The following FAT3 variants were observed in gnomAD, a reference collection of about 807,000 sequenced individuals.
The protein encoded by FAT3 is FAT atypical cadherin 3.
A neutral mutation model predicts 310.2 loss-of-function variants in FAT3; 95 were observed. That is an observed-to-expected ratio of 0.31 (90% CI 0.26 to 0.36). The LOEUF (loss-of-function observed/expected upper bound fraction) is 0.36, where lower values mean the gene tolerates loss of function less well. FAT3 is among the 10% of genes least tolerant of loss of function. FAT3 has a pLI of 1.00. For missense variants in FAT3, 5,408 were observed against 5,715.6 expected, an observed-to-expected ratio of 0.95 and a Z score of 1.74; for synonymous variants, 2,314 against 2,192.9, an observed-to-expected ratio of 1.06 and a Z score of -1.54.
intron 18 of FAT3, among the ~76,000 whole-genome samples, chr11:92,841,581 C>T (rs1948550666): frequency 6.6e-6 from 1 of 152,218 alleles, no homozygotes; most frequent in Admixed American, 6.5e-5. Context: ...GCCATCTGCT[C>T]CTCCAACAAT....
rs199854028 is a variant in FAT3, at chr11:92,881,335, TA to T, written c.12281+454del. ...TTCTTTCATAAGAAAGAAACAAAAT[TA>T]AATATTTGCCAAAAGGAAAGAGACC... On this transcript the variant is annotated intron_variant, in intron 23 of 27. Coordinates refer to ENST00000525166, the MANE Select transcript of FAT3 (RefSeq NM_001367949.2). Among the ~76,000 whole-genome samples, 943 of 152,216 alleles carry T rather than the reference TA, an allele frequency of 6.2e-3. 8 individuals are homozygous for T. The highest frequency in any genetic ancestry group is 0.022 in the African/African-American group (904 of 41,516).
chr11:92,620,302 C>T (rs1436200915), intron 3 of FAT3, among the ~76,000 whole-genome samples: 2 of 152,110 alleles, frequency 1.3e-5, no homozygotes, highest in African/African-American at 4.8e-5. Context: ...GTTCCATGTG[C>T]ACTTGAGAAA....
intron 22 of FAT3, among the ~76,000 whole-genome samples, chr11:92,875,150 T>A (rs977032143): frequency 2.0e-5 from 3 of 147,982 alleles, no homozygotes; most frequent in African/African-American, 7.5e-5. Context: ...ACAATAGATA[T>A]CACTCTTCTT....
rs1948628221 is a variant in FAT3 at position 92,844,300 on chromosome 11, C to T, written c.10933C>T (p.Leu3645=). 3 of 1,613,974 alleles carry T rather than the reference C, an allele frequency of 1.9e-6. No individual in the cohort carries two copies. The highest frequency in any genetic ancestry group is 4.5e-5 in the East Asian group (2 of 44,886). Residue 3645 remains leucine, a synonymous_variant, in exon 19 of 28, where the codon CTG becomes TTG. Transcript: ENST00000525166. ...VHVEQLVHEM[L]QNTVTIRFEN... is the part of the protein sequence containing the mutation. ...TGTGGAGCAGTTGGTGCATGAGATG[C>T]TGCAGAACACTGTCACCATCCGCTT...
chr11:92,435,537 CCCTT>C (rs969021934), intron 2 of FAT3, among the ~76,000 whole-genome samples: 12 of 125,202 alleles, frequency 9.6e-5, no homozygotes, highest in African/African-American at 3.2e-4. Context: ...TTCTTTCTTT[CCCTT>C]CCTTCCTTCC....
intron 1 of FAT3, among the ~76,000 whole-genome samples, chr11:92,225,621 C>T (rs931996435): frequency 2.0e-5 from 3 of 152,062 alleles, no homozygotes; most frequent in African/African-American, 7.2e-5. Flanking sequence ...GGATGATGCA[C>T]TTAGGGGACC....
At chr11:92,481,235 AT>A (rs1477928283) in intron 2 of FAT3, among the ~76,000 whole-genome samples, 1 of 152,206 alleles carries the variant, frequency 6.6e-6, no homozygotes, top group African/African-American at 2.4e-5. Context: ...AAATAGAAAT[AT>A]CTGGGCAATG....
intron 2 of FAT3, chr11:92,408,208 G>T (rs1221511093): frequency 2.0e-5 from 3 of 152,124 alleles, no homozygotes; most frequent in Non-Finnish European, 4.4e-5. Flanking sequence ...GAGATCTGAG[G>T]TGTCTCTTTT....
In FAT3 at chr11:92,305,912, G is replaced by A. The variant is rs139905241; in HGVS notation, c.-17-46184G>A. On this transcript the variant is annotated intron_variant, in intron 1 of 27. Transcript: ENST00000525166. ...TAAATGGAACAATTGGTAAAATTGAGTAGTCTGTTAACTAGTTAAGATTAT... is the reference window on the plus strand; with the variant it reads ...TAAATGGAACAATTGGTAAAATTGAATAGTCTGTTAACTAGTTAAGATTAT... 3.9e-5 allele frequency among the ~76,000 whole-genome samples: 6 copies of A among 152,210 alleles called. No individual in the cohort carries two copies. In the East Asian group the frequency reaches 9.7e-4, roughly 25 times the overall value.
intron 4 of FAT3, among the ~76,000 whole-genome samples, chr11:92,716,738 A>T (rs937476789): frequency 6.6e-6 from 1 of 152,224 alleles, no homozygotes; most frequent in African/African-American, 2.4e-5. Flanking sequence ...TGAATACATC[A>T]TCCCAGCCTA....
chr11:92,565,065 A>G (rs961895717), intron 3 of FAT3, among the ~76,000 whole-genome samples: 3 of 144,500 alleles, frequency 2.1e-5, no homozygotes, highest in African/African-American at 7.5e-5. Context: ...ATAGAGACAC[A>G]ATAAACCCTT....
chr11:92,240,950 C>T (rs1012250100), intron 1 of FAT3, among the ~76,000 whole-genome samples: 1 of 151,898 alleles, frequency 6.6e-6, no homozygotes, highest in Non-Finnish European at 1.5e-5. Flanking sequence ...CCCTTCCTGC[C>T]ACATTGCTGG....
rs748077291 is a variant in FAT3 at position 92,295,445 on chromosome 11, C to T, written c.-17-56651C>T. On this transcript the variant is annotated intron_variant, in intron 1 of 27. Transcript: ENST00000525166. ...CTTGCAAATTGCATATTTGCTATCC[C>T]GAGCTGTGCCGTGTCTGAATACAAT... 7.2e-5 allele frequency among the ~76,000 whole-genome samples: 11 copies of T among 152,222 alleles called. No individual in the cohort carries two copies. In the East Asian group the frequency reaches 1.7e-3, roughly 24 times the overall value.
At chr11:92,564,995 A>C (rs1955376884) in intron 3 of FAT3, among the ~76,000 whole-genome samples, 1 of 145,706 alleles carries the variant, frequency 6.9e-6, no homozygotes, top group South Asian at 2.4e-4. Context: ...GCAAGAGCGA[A>C]CACATTCAAA....
At chr11:92,479,059 C>T (rs776874239) in intron 2 of FAT3, among the ~76,000 whole-genome samples, 5 of 148,710 alleles carry the variant, frequency 3.4e-5, no homozygotes, top group Admixed American at 1.3e-4. Context: ...TGGAGTGCAG[C>T]GGGGTTATCT....
At chr11:92,468,344 A>T (rs1383803042) in intron 2 of FAT3, among the ~76,000 whole-genome samples, 1 of 152,228 alleles carries the variant, frequency 6.6e-6, no homozygotes, top group African/African-American at 2.4e-5. Flanking sequence ...AAATGCATCA[A>T]ATTGGAATAT....
chr11:92,365,912 G>C (rs1949008146), intron 2 of FAT3, among the ~76,000 whole-genome samples: 1 of 152,216 alleles, frequency 6.6e-6, no homozygotes, highest in South Asian at 2.1e-4. Flanking sequence ...TAGTGTTTTG[G>C]ATTATTTATA....
rs2136199667 is a variant in FAT3, at chr11:92,805,277, G to A, written c.9021G>A (p.Gly3007=). 1 of 1,613,834 alleles carries A rather than the reference G, an allele frequency of 6.2e-7. No homozygotes were observed. Among genetic ancestry groups the A allele is most frequent in the Admixed American group, 1.7e-5 (1 of 60,014 alleles). Reference sequence around the variant, plus strand: ...TTCTCAATATCACTGCCACTGATGGGCTTTTTGTCACACAGGCCATGGTGG... The same window carrying A: ...TTCTCAATATCACTGCCACTGATGGACTTTTTGTCACACAGGCCATGGTGG... ...IYFLNITATD[G]LFVTQAMVEV... is the part of the protein sequence containing the mutation. The change falls in exon 11 of 28, where the codon GGG becomes GGA. Residue 3007 remains glycine (G), a synonymous_variant. Coordinates refer to ENST00000525166, the MANE Select transcript of FAT3 (RefSeq NM_001367949.2).
intron 3 of FAT3, among the ~76,000 whole-genome samples, chr11:92,610,739 A>G (rs1314256340): frequency 2.0e-5 from 3 of 152,090 alleles, no homozygotes; most frequent in Non-Finnish European, 4.4e-5. Flanking sequence ...ATATTTCTTT[A>G]GTGTTTTCTT....
Sources: allele counts gnomAD v4.1 joint callset (sites outside exome capture counted in the v4.1 genomes callset), GRCh38; gene constraint gnomAD v4.1.1; transcripts MANE v1.5; gene names NCBI Gene and HGNC (gene_info 2026-07-23, HGNC 2026-07-21).